The following TIAM2 variants were observed in gnomAD, a reference collection of about 807,000 sequenced individuals.
The protein encoded by TIAM2 is rho guanine nucleotide exchange factor TIAM2.
Under a neutral mutation model 152.9 loss-of-function variants are expected in TIAM2, and 80 were observed. The observed-to-expected ratio is 0.52, with a 90% CI of 0.44 to 0.63. The LOEUF is 0.63. Among genes scored for constraint, TIAM2 ranks in the 30% least tolerant of loss-of-function variants. The pLI, the probability that TIAM2 is intolerant of heterozygous loss-of-function variation, is 0.00. For missense variants in TIAM2, 1,965 were observed against 2,120.1 expected, an observed-to-expected ratio of 0.93 and a Z score of 1.44; for synonymous variants, 804 against 838.0, an observed-to-expected ratio of 0.96 and a Z score of 0.70.
At chr6:155,017,762 C>T (rs755184552) in intron 1 of TIAM2, among the ~76,000 whole-genome samples, 42 of 152,084 alleles carry the variant, frequency 2.8e-4, no homozygotes, top group Non-Finnish European at 5.7e-4. Flanking sequence ...CTCGGCCTCC[C>T]AAAGTGCTGG....
At chr6:155,010,975 C>T (rs1778478548) in intron 1 of TIAM2, among the ~76,000 whole-genome samples, 1 of 150,802 alleles carries the variant, frequency 6.6e-6, no homozygotes, top group African/African-American at 2.4e-5. Context: ...ACCCGGGAGG[C>T]GGAGGTTGTG....
chr6:155,101,123 C>A (rs1324660497), intron 2 of TIAM2, among the ~76,000 whole-genome samples: 1 of 152,094 alleles, frequency 6.6e-6, no homozygotes, highest in Non-Finnish European at 1.5e-5. Flanking sequence ...AATTTGGAAA[C>A]CTTTGGTTTT....
intron 15 of TIAM2, among the ~76,000 whole-genome samples, chr6:155,221,872 G>A (rs1782055970): frequency 6.6e-6 from 1 of 152,172 alleles, no homozygotes; most frequent in African/African-American, 2.4e-5. Context: ...GAAGAAAGCA[G>A]GAAGTTTGAT....
chr6:155,216,283 A>C (rs758590475), intron 15 of TIAM2, among the ~76,000 whole-genome samples: 1 of 152,052 alleles, frequency 6.6e-6, no homozygotes, highest in Non-Finnish European at 1.5e-5. Context: ...CCCTAGCCCA[A>C]CTGGTCTTCT....
intron 14 of TIAM2, among the ~76,000 whole-genome samples, chr6:155,195,067 A>T (rs1234024256): frequency 6.6e-6 from 1 of 152,182 alleles, no homozygotes. Context: ...TCTTTATTTT[A>T]TCTATTACCC....
intron 15 of TIAM2, among the ~76,000 whole-genome samples, chr6:155,221,508 G>A (rs1424123424): frequency 6.6e-6 from 1 of 152,114 alleles, no homozygotes; most frequent in Non-Finnish European, 1.5e-5. Flanking sequence ...GAAACAGCGG[G>A]TGCCATGGTT....
At chr6:155,002,262 T>A (rs1267606512) in intron 1 of TIAM2, among the ~76,000 whole-genome samples, 2 of 151,984 alleles carry the variant, frequency 1.3e-5, no homozygotes, top group Non-Finnish European at 2.9e-5. Context: ...AATACAAAAA[T>A]TAGCTGGGCA....
At chr6:155,230,265 G>A (rs899472796) in intron 15 of TIAM2, among the ~76,000 whole-genome samples, 4 of 152,204 alleles carry the variant, frequency 2.6e-5, no homozygotes, top group African/African-American at 7.2e-5. Context: ...GGTGTCCACA[G>A]TTCCTAACTC....
intron 1 of TIAM2, among the ~76,000 whole-genome samples, chr6:155,018,590 G>A (rs934232653): frequency 2.0e-5 from 3 of 150,202 alleles, no homozygotes; most frequent in African/African-American, 4.9e-5. Flanking sequence ...CTGCACTGCA[G>A]CCTGGGTGGC....
Position 155,252,948 on chromosome 6 carries a change from C to T in TIAM2, c.4120C>T (p.Pro1374Ser). 2 of 1,613,884 alleles carry T rather than the reference C, an allele frequency of 1.2e-6. No individual in the cohort carries two copies. Among genetic ancestry groups the T allele is most frequent in the South Asian group, 1.1e-5 (1 of 91,054 alleles). Residue 1374 changes from proline (P) to serine (S), a missense_variant and splice_region_variant, in exon 24 of 27, where the codon CCC (proline) becomes TCC (serine). Pro to Ser is a moderately conservative substitution (Grantham distance 74). Around this residue, in one of 3 missense-constraint regions of TIAM2, gnomAD observed 935 missense variants for 980.0 expected, o/e 0.95. Transcript: ENST00000682666. Reference sequence around the variant, plus strand: ...TTCTTGGTGGGCCTTCATGTTACAGCCCTCGAATTCCCGGCCTGCACACAA... The same window carrying T: ...TTCTTGGTGGGCCTTCATGTTACAGTCCTCGAATTCCCGGCCTGCACACAA... ...KENCKLKKKLPSNSRPAHNST... is the reference protein window; with the variant it reads ...KENCKLKKKLSSNSRPAHNST...
intron 7 of TIAM2, among the ~76,000 whole-genome samples, chr6:155,150,939 G>A (rs961131852): frequency 3.9e-5 from 6 of 152,124 alleles, no homozygotes; most frequent in African/African-American, 1.4e-4. Context: ...TTGTTGGCAC[G>A]CAAACAGTTC....
chr6:155,022,178 TA>T (rs1419999063), intron 1 of TIAM2, among the ~76,000 whole-genome samples: 3 of 152,050 alleles, frequency 2.0e-5, no homozygotes, highest in African/African-American at 7.2e-5. Context: ...GAGAAGAAAA[TA>T]TTGATAAAAA....
intron 1 of TIAM2, among the ~76,000 whole-genome samples, chr6:155,087,399 G>A (rs1053063788): frequency 2.0e-5 from 3 of 152,184 alleles, no homozygotes; most frequent in African/African-American, 7.2e-5. Flanking sequence ...TCAGTATGAT[G>A]TATTTAGACA....
rs760166955 is a variant in TIAM2 at position 155,250,978 on chromosome 6, G to C, written c.4017G>C (p.Leu1339=). 1 of 1,614,142 alleles carries C rather than the reference G, an allele frequency of 6.2e-7. No individual in the cohort carries two copies. Among genetic ancestry groups the C allele is most frequent in the South Asian group, 1.1e-5 (1 of 91,080 alleles). Residue 1339 remains leucine (L), a synonymous_variant, in exon 22 of 27, where the codon CTG becomes CTC. Coordinates refer to ENST00000682666, the MANE Select transcript of TIAM2 (RefSeq NM_012454.4). ...HSTVSWLNPF[L]SLGKARKDLE... ...CGGTTTCCTGGTTGAATCCATTTCT[G>C]TCTCTAGGAAAAGCTAGAAAGGACC...
chr6:155,185,416 C>T (rs374852200), intron 14 of TIAM2, among the ~76,000 whole-genome samples: 8 of 151,848 alleles, frequency 5.3e-5, no homozygotes, highest in African/African-American at 1.9e-4. Context: ...TGTAAGCAAC[C>T]GCGCCCGGCT....
intron 2 of TIAM2, among the ~76,000 whole-genome samples, chr6:155,120,674 G>A (rs1779129707): frequency 6.6e-6 from 1 of 152,144 alleles, no homozygotes; most frequent in Non-Finnish European, 1.5e-5. Flanking sequence ...TAAAACTTCA[G>A]GGCAGGATTT....
At chr6:155,071,820 T>A (rs1187061295) in intron 1 of TIAM2, among the ~76,000 whole-genome samples, 1 of 149,354 alleles carries the variant, frequency 6.7e-6, no homozygotes, top group Non-Finnish European at 1.5e-5. Flanking sequence ...CACTTGAACC[T>A]GGGAGGTGGA....
At chr6:155,008,717 T>C (rs1778439145) in intron 1 of TIAM2, among the ~76,000 whole-genome samples, 1 of 152,326 alleles carries the variant, frequency 6.6e-6, no homozygotes, top group Non-Finnish European at 1.5e-5. Context: ...GTCTGGAATG[T>C]ACGTATATTC....
chr6:155,257,618 C>CT lies in TIAM2; in HGVS notation c.*497_*498insT. The CT allele has an allele frequency of 3.6e-6, 2 of 549,656 alleles. No homozygotes were observed. Among genetic ancestry groups the CT allele is most frequent in the Admixed American group, 3.4e-5 (1 of 29,448 alleles). The allele number at this position is 549,656 out of a possible 1,614,324, so 34.0% of individuals were successfully genotyped here. On this transcript the variant is annotated 3_prime_UTR_variant, in exon 27 of 27. Transcript: ENST00000682666. Reference sequence around the variant, plus strand: ...TAGATGCTGTTTATACTAAACATGTCATAACTATCTATACAGTATATATTA... The same window carrying CT: ...TAGATGCTGTTTATACTAAACATGTCTATAACTATCTATACAGTATATATTA...
Sources: gnomAD v4.1 joint callset for allele counts (sites outside exome capture counted in the v4.1 genomes callset) on GRCh38, gnomAD v4.1.1 for gene constraint, gnomAD v4.1.1 regional missense constraint, MANE v1.5 for transcripts, NCBI Gene and HGNC (gene_info 2026-07-23, HGNC 2026-07-21) for gene names.